The following SAMSN1 variants were observed in gnomAD, a reference collection of about 807,000 sequenced individuals.
SAMSN1 encodes the protein SAM domain-containing protein SAMSN-1.
In SAMSN1, 31 loss-of-function variants were observed where a neutral mutation model predicts 42.0. The observed-to-expected ratio is 0.74, with a 90% CI of 0.55 to 1.00. SAMSN1 has a LOEUF of 1.00. SAMSN1 is among the 50% of genes least tolerant of loss of function. SAMSN1 has a pLI of 0.00. For synonymous variants in SAMSN1, 178 were observed against 151.9 expected (o/e 1.17, Z -1.26); for missense variants, 464 against 439.4 (o/e 1.06, Z -0.50).
chr21:14,597,061 A>C (rs1376327787), intron 6 of SAMSN1, among the ~76,000 whole-genome samples: 5 of 152,158 alleles, frequency 3.3e-5, no homozygotes. Flanking sequence ...TTGTCATAAT[A>C]TAATCATGTC....
chr21:14,534,892 C>T (rs1015074395), intron 1 of SAMSN1, among the ~76,000 whole-genome samples: 6 of 152,168 alleles, frequency 3.9e-5, no homozygotes, highest in Admixed American at 2.0e-4. Flanking sequence ...CTTTAGTTCA[C>T]GTTACCTACT....
At position 14,510,292 on chromosome 21, in the gene SAMSN1, G is replaced by C; in HGVS notation, c.561+18C>G. 3 of 1,612,810 alleles carry C rather than the reference G, an allele frequency of 1.9e-6. No homozygotes were observed. The highest frequency in any genetic ancestry group is 2.5e-6 in the Non-Finnish European group (3 of 1,178,814). The stretch of plus-strand genomic sequence containing the variant: ...ATTTGACAGACCATTCAGAAGGTGG[G>C]ATATGATGTCCTCTCACCTTGATTT... On this transcript the variant is annotated intron_variant, in intron 5 of 7. Coordinates refer to ENST00000400566, the MANE Select transcript of SAMSN1 (RefSeq NM_022136.5).
At chr21:14,623,581 C>T (rs749079797) in intron 2 of SAMSN1, among the ~76,000 whole-genome samples, 32 of 152,100 alleles carry the variant, frequency 2.1e-4, no homozygotes, top group Non-Finnish European at 3.7e-4. Context: ...ACTAACTATC[C>T]TAAATATATA....
chr21:14,555,012 T>C (rs1980714670), intron 2 of SAMSN1, among the ~76,000 whole-genome samples: 1 of 152,140 alleles, frequency 6.6e-6, no homozygotes, highest in East Asian at 1.9e-4. Context: ...AACTTTTTCA[T>C]CAGAAGACCC....
At chr21:14,531,021 AT>A (rs1979235781) in intron 1 of SAMSN1, among the ~76,000 whole-genome samples, 1 of 152,044 alleles carries the variant, frequency 6.6e-6, no homozygotes, top group African/African-American at 2.4e-5. Context: ...TAGTCACATC[AT>A]TTTCAACTAT....
intron 1 of SAMSN1, among the ~76,000 whole-genome samples, chr21:14,648,674 C>T (rs2123391639): frequency 6.6e-6 from 1 of 150,588 alleles, no homozygotes; most frequent in Admixed American, 6.6e-5. Context: ...AAAAAATGCT[C>T]ATCATCACTG....
rs149607877 is a variant in SAMSN1 at position 14,508,367 on chromosome 21, C to T, written c.561+1943G>A. On this transcript the variant is annotated intron_variant, in intron 5 of 7. Coordinates refer to ENST00000400566, the MANE Select transcript of SAMSN1 (RefSeq NM_022136.5). The stretch of plus-strand genomic sequence containing the variant: ...AACTCAAATCAACAAGAAAAAAAAA[C>T]AAACAATCCCATCAAAAAGTAGGCT... Among the ~76,000 whole-genome samples, 70 of 150,470 alleles carry T rather than the reference C, an allele frequency of 4.7e-4. No individual in the cohort carries two copies. The East Asian group carries it at 0.012, about 27-fold the overall frequency.
chr21:14,488,956 C>A (rs1249882831), intron 7 of SAMSN1, among the ~76,000 whole-genome samples: 1 of 152,162 alleles, frequency 6.6e-6, no homozygotes, highest in Non-Finnish European at 1.5e-5. Flanking sequence ...ATCGCATTCA[C>A]TTTTGTATTT....
intron 2 of SAMSN1, among the ~76,000 whole-genome samples, chr21:14,623,331 G>A (rs976407065): frequency 5.9e-5 from 9 of 152,170 alleles, no homozygotes; most frequent in African/African-American, 9.7e-5. Flanking sequence ...TGGCAAATTG[G>A]ATAAAGAGTC....
chr21:14,651,869 A>G (rs1036645148), intron 1 of SAMSN1, among the ~76,000 whole-genome samples: 2 of 152,032 alleles, frequency 1.3e-5, no homozygotes, highest in African/African-American at 2.4e-5. Context: ...TAGCATTTCT[A>G]TGAGAACAGG....
At chr21:14,636,367 C>A (rs1034209712) in intron 2 of SAMSN1, among the ~76,000 whole-genome samples, 3 of 152,128 alleles carry the variant, frequency 2.0e-5, no homozygotes, top group Non-Finnish European at 2.9e-5. Context: ...CTTGTGTACA[C>A]GTGCATGCAC....
At chr21:14,502,523 T>C (rs534491826) in intron 5 of SAMSN1, among the ~76,000 whole-genome samples, 18 of 152,170 alleles carry the variant, frequency 1.2e-4, no homozygotes, top group Non-Finnish European at 2.6e-4. Flanking sequence ...TATTTCAATT[T>C]TCATGGGTAA....
At chr21:14,528,478 A>T (rs1979024461) in intron 1 of SAMSN1, among the ~76,000 whole-genome samples, 1 of 152,162 alleles carries the variant, frequency 6.6e-6, no homozygotes, top group Non-Finnish European at 1.5e-5. Context: ...TACTAAAAAA[A>T]GGCTCTGTGC....
chr21:14,566,037 A>G (rs2822770), intron 2 of SAMSN1, among the ~76,000 whole-genome samples: 5,955 of 152,286 alleles, frequency 0.039, 158 homozygotes, highest in African/African-American at 0.07. Flanking sequence ...TGTTTTCGTT[A>G]TTAGTAAAGA....
intron 2 of SAMSN1, among the ~76,000 whole-genome samples, chr21:14,554,999 G>A (rs1019865344): frequency 3.3e-5 from 5 of 151,968 alleles, no homozygotes; most frequent in Non-Finnish European, 7.4e-5. Flanking sequence ...CCTACCCCAA[G>A]GAAACTTTTT....
chr21:14,568,506 C>T (rs1316250830), intron 2 of SAMSN1, among the ~76,000 whole-genome samples: 1 of 152,144 alleles, frequency 6.6e-6, no homozygotes, highest in African/African-American at 2.4e-5. Flanking sequence ...ATCAGGTCTT[C>T]CCCCCAGTGA....
chr21:14,565,497 C>T (rs1043006324), intron 2 of SAMSN1, among the ~76,000 whole-genome samples: 1 of 152,090 alleles, frequency 6.6e-6, no homozygotes, highest in Non-Finnish European at 1.5e-5. Context: ...CTACAATTGC[C>T]TTGCTGGTTT....
chr21:14,543,165 T>C (rs1980152549), intron 1 of SAMSN1, among the ~76,000 whole-genome samples: 1 of 152,206 alleles, frequency 6.6e-6, no homozygotes, highest in South Asian at 2.1e-4. Context: ...ATGGGTTTCT[T>C]TTGTAATAAT....
chr21:14,504,322 A>T (rs944963581), intron 5 of SAMSN1, among the ~76,000 whole-genome samples: 2 of 152,246 alleles, frequency 1.3e-5, no homozygotes, highest in Admixed American at 1.3e-4. Flanking sequence ...GCACCAGAGA[A>T]AGGTGAAGCG....
Sources: allele counts gnomAD v4.1 joint callset (sites outside exome capture counted in the v4.1 genomes callset), GRCh38; gene constraint gnomAD v4.1.1; transcripts MANE v1.5; gene names NCBI Gene and HGNC (gene_info 2026-07-23, HGNC 2026-07-21).